ADAMTS3: variants seen among roughly 807,000 people sequenced by gnomAD.
ADAMTS3 encodes ADAM metallopeptidase with thrombospondin type 1 motif 3.
Under a neutral mutation model 129.0 loss-of-function variants are expected in ADAMTS3, and 73 were observed. The ratio of observed to expected loss-of-function variants is 0.57; its 90% CI spans 0.47 to 0.69. The LOEUF is 0.69. Among genes scored for constraint, ADAMTS3 ranks in the 30% least tolerant of loss-of-function variants. The pLI is 0.00. For missense variants in ADAMTS3, 1,457 were observed against 1,514.5 expected, an observed-to-expected ratio of 0.96 and a Z score of 0.63; for synonymous variants, 477 against 510.8, an observed-to-expected ratio of 0.93 and a Z score of 0.89.
intron 3 of ADAMTS3, among the ~76,000 whole-genome samples, chr4:72,418,856 C>T (rs990950979): frequency 3.9e-5 from 6 of 152,208 alleles, no homozygotes; most frequent in African/African-American, 9.7e-5. Flanking sequence ...ACGTCATCTG[C>T]GCTGCCCACC....
Position 72,312,309 on chromosome 4 carries a change from G to C in ADAMTS3, c.1903C>G (p.Pro635Ala). The stretch of plus-strand genomic sequence containing the variant: ...TACTCACGGTCAGGATGTTCATATG[G>C]CAACCAGTGGTGTTTGGTATTCTGG... ...EYQNTKHHWL[P>A]YEHPDPKKRC... Residue 635 changes from proline (P) to alanine (A), a missense_variant, in exon 13 of 22, where the codon CCA becomes GCA. Transcript: ENST00000286657. 1 of 1,613,590 alleles carries C rather than the reference G, an allele frequency of 6.2e-7. No homozygotes were observed. Among genetic ancestry groups the C allele is most frequent in the Non-Finnish European group, 8.5e-7 (1 of 1,179,672 alleles).
intron 4 of ADAMTS3, among the ~76,000 whole-genome samples, chr4:72,341,800 T>G (rs1190000625): frequency 6.6e-6 from 1 of 152,184 alleles, no homozygotes; most frequent in Non-Finnish European, 1.5e-5. Flanking sequence ...ATCTCTCTTT[T>G]TATTGCATAA....
At chr4:72,434,126 G>C (rs1172353635) in intron 3 of ADAMTS3, among the ~76,000 whole-genome samples, 1 of 151,648 alleles carries the variant, frequency 6.6e-6, no homozygotes, top group African/African-American at 2.4e-5. Flanking sequence ...GATCAGTGCT[G>C]ATCTGCACCC....
At chr4:72,322,638 G>A (rs1268456101) in intron 6 of ADAMTS3, among the ~76,000 whole-genome samples, 1 of 152,080 alleles carries the variant, frequency 6.6e-6, no homozygotes, top group African/African-American at 2.4e-5. Flanking sequence ...CTGGCACTTA[G>A]TAGGCATTCA....
chr4:72,319,725 T>C, intron 8 of ADAMTS3, 133 bp downstream of exon 8: 1 of 833,102 alleles, frequency 1.2e-6, no homozygotes, highest in Middle Eastern at 2.8e-4. Context: ...CTTCTCTGTT[T>C]GCAGCTCTTC....
chr4:72,318,122 G>A (rs928564598), intron 10 of ADAMTS3, among the ~76,000 whole-genome samples: 1 of 151,792 alleles, frequency 6.6e-6, no homozygotes, highest in African/African-American at 2.4e-5. Flanking sequence ...GACTATACCA[G>A]CACAATCCTT....
At chr4:72,419,086 A>G (rs575918552) in intron 3 of ADAMTS3, among the ~76,000 whole-genome samples, 11 of 151,968 alleles carry the variant, frequency 7.2e-5, no homozygotes, top group Admixed American at 7.2e-4. Context: ...TGATTTTCTT[A>G]CTCCCTCACC....
chr4:72,324,275 A>G (rs1201262497), intron 5 of ADAMTS3, among the ~76,000 whole-genome samples: 2 of 152,198 alleles, frequency 1.3e-5, no homozygotes, highest in Non-Finnish European at 2.9e-5. Flanking sequence ...AAATCATAGT[A>G]TTTTGATTTG....
At chr4:72,417,287 G>A (rs1460517803) in intron 3 of ADAMTS3, among the ~76,000 whole-genome samples, 1 of 152,154 alleles carries the variant, frequency 6.6e-6, no homozygotes, top group African/African-American at 2.4e-5. Context: ...CCACTGAAGC[G>A]GTCAGCGACT....
rs142866738 is a variant in ADAMTS3 at position 72,423,553 on chromosome 4, T to C, written c.505-8582A>G. Among the ~76,000 whole-genome samples the C allele has an allele frequency of 7.2e-3, 1,103 of 152,258 alleles. 18 individuals carry two copies. The highest frequency in any genetic ancestry group is 0.026 in the African/African-American group (1,062 of 41,568). ...GAGAATGGACAGATTTTTTTTTCTT[T>C]TTTTTCTTTTATTATTATTATACTT... On this transcript the variant is annotated intron_variant, in intron 3 of 21. Coordinates refer to ENST00000286657, the MANE Select transcript of ADAMTS3 (RefSeq NM_014243.3).
intron 4 of ADAMTS3, among the ~76,000 whole-genome samples, chr4:72,404,540 A>G (rs1425399114): frequency 2.0e-5 from 3 of 152,122 alleles, no homozygotes; most frequent in African/African-American, 7.2e-5. Flanking sequence ...GTAAGAACTG[A>G]AACTATAAAA....
intron 3 of ADAMTS3, among the ~76,000 whole-genome samples, chr4:72,451,710 TA>T (rs1718411273): frequency 6.7e-6 from 1 of 150,338 alleles, no homozygotes; most frequent in Non-Finnish European, 1.5e-5. Context: ...AGATTTTTCA[TA>T]AATTATATAC....
At chr4:72,493,018 T>C (rs1216730447) in intron 3 of ADAMTS3, among the ~76,000 whole-genome samples, 4 of 151,934 alleles carry the variant, frequency 2.6e-5, no homozygotes, top group Non-Finnish European at 5.9e-5. Context: ...TTAATGACTA[T>C]TTTGCCAAAT....
chr4:72,315,979 A>T lies in ADAMTS3; in HGVS notation c.1486-8T>A. ...TGGGTCAAAGGTTCGGAACTGGAAG[A>T]TAGATAATCAAATTGTCAGTGAACT... On this transcript the variant is annotated splice_region_variant and splice_polypyrimidine_tract_variant and intron_variant, in intron 10 of 21. Transcript: ENST00000286657. 7.7e-6 allele frequency: 12 copies of T among 1,562,688 alleles called. No individual in the cohort carries two copies. The highest frequency in any genetic ancestry group is 1.1e-5 in the Non-Finnish European group (12 of 1,139,664).
intron 4 of ADAMTS3, among the ~76,000 whole-genome samples, chr4:72,403,612 G>A (rs1381984252): frequency 6.6e-6 from 1 of 151,952 alleles, no homozygotes; most frequent in Admixed American, 6.6e-5. Flanking sequence ...GGTAAGGTGT[G>A]CTTGAGTTAT....
intron 5 of ADAMTS3, among the ~76,000 whole-genome samples, chr4:72,335,643 A>G (rs963205035): frequency 6.6e-6 from 1 of 152,122 alleles, no homozygotes; most frequent in Non-Finnish European, 1.5e-5. Context: ...AACTGTAAAT[A>G]ATTTTTTAAA....
At chr4:72,366,156 T>C (rs1488043251) in intron 4 of ADAMTS3, among the ~76,000 whole-genome samples, 2 of 152,208 alleles carry the variant, frequency 1.3e-5, no homozygotes, top group Admixed American at 1.3e-4. Flanking sequence ...TGAAAGGCAT[T>C]GGCAAAAATA....
At chr4:72,487,702 A>T (rs1719626501) in intron 3 of ADAMTS3, among the ~76,000 whole-genome samples, 1 of 152,100 alleles carries the variant, frequency 6.6e-6, no homozygotes, top group South Asian at 2.1e-4. Context: ...AAAAATTAGC[A>T]TGTGAGTAAA....
chr4:72,477,905 TACAAAC>T (rs1239387449), intron 3 of ADAMTS3, among the ~76,000 whole-genome samples: 1 of 152,098 alleles, frequency 6.6e-6, no homozygotes, highest in African/African-American at 2.4e-5. Context: ...CAGAGAATAC[TACAAAC>T]ACCTCTATGC....
Sources: gnomAD v4.1 joint callset for allele counts (sites outside exome capture counted in the v4.1 genomes callset) on GRCh38, gnomAD v4.1.1 for gene constraint, MANE v1.5 for transcripts, NCBI Gene and HGNC (gene_info 2026-07-23, HGNC 2026-07-21) for gene names.